The following CAPN13 variants were observed in gnomAD, a reference collection of about 807,000 sequenced individuals.
The protein encoded by CAPN13 is calpain-13.
Under a neutral mutation model 98.4 loss-of-function variants are expected in CAPN13, and 90 were observed. The ratio of observed to expected loss-of-function variants is 0.92; its 90% CI spans 0.77 to 1.09. CAPN13 has a LOEUF of 1.09. Among genes scored for constraint, CAPN13 ranks in the 50% least tolerant of loss-of-function variants. CAPN13 has a pLI of 0.00. For synonymous variants in CAPN13, 330 were observed against 305.5 expected (o/e 1.08, Z -0.84); for missense variants, 887 against 841.3 (o/e 1.05, Z -0.67).
At chr2:30,776,773 G>A (rs778203066) in intron 3 of CAPN13, among the ~76,000 whole-genome samples, 1 of 151,966 alleles carries the variant, frequency 6.6e-6, no homozygotes, top group Non-Finnish European at 1.5e-5. Flanking sequence ...TGATCAATTT[G>A]TCTTTGAATG....
At chr2:30,741,879 G>A (rs1484574427) in intron 15 of CAPN13, 29 bp downstream of exon 15, 7 of 1,613,632 alleles carry the variant, frequency 4.3e-6, no homozygotes, top group Middle Eastern at 1.6e-4. Context: ...CCAATCCCAC[G>A]TAAGGCCCCT....
chr2:30,730,976 C>G (rs577001444), intron 21 of CAPN13, among the ~76,000 whole-genome samples, 190 bp from the exon 22 acceptor site: 122 of 152,262 alleles, frequency 8.0e-4, no homozygotes, highest in African/African-American at 2.7e-3. Flanking sequence ...CCCTGAATAA[C>G]CAGGCAGTGA....
intron 1 of CAPN13, among the ~76,000 whole-genome samples, chr2:30,799,109 C>CAG (rs948270475): frequency 4.7e-5 from 7 of 149,010 alleles, no homozygotes; most frequent in Non-Finnish European, 8.9e-5. Flanking sequence ...GAGAATGAAG[C>CAG]AGAGAGAGAG....
intron 1 of CAPN13, among the ~76,000 whole-genome samples, chr2:30,802,603 C>G (rs1675356467): frequency 6.6e-6 from 1 of 151,688 alleles, no homozygotes; most frequent in Non-Finnish European, 1.5e-5. Context: ...TCATTCTTTC[C>G]CTCTCCAGCC....
intron 22 of CAPN13, among the ~76,000 whole-genome samples, chr2:30,727,155 C>T (rs911106743): frequency 1.3e-5 from 2 of 152,078 alleles, no homozygotes; most frequent in African/African-American, 2.4e-5. Flanking sequence ...GAAATTAGAA[C>T]GTTACTTCAC....
intron 1 of CAPN13, among the ~76,000 whole-genome samples, chr2:30,804,302 G>T (rs1272867860): frequency 1.3e-5 from 2 of 152,194 alleles, no homozygotes; most frequent in Non-Finnish European, 2.9e-5. Context: ...CCTGCTTCAT[G>T]CAATTCCCCT....
chr2:30,756,004 G>A (rs1416498519), intron 8 of CAPN13, among the ~76,000 whole-genome samples: 2 of 152,044 alleles, frequency 1.3e-5, no homozygotes, highest in Non-Finnish European at 2.9e-5. Context: ...CAGTGATTAT[G>A]CAGTCCCCGT....
intron 5 of CAPN13, among the ~76,000 whole-genome samples, chr2:30,765,579 C>T (rs931912146): frequency 2.6e-5 from 4 of 152,226 alleles, no homozygotes. Context: ...CCTCCCTGCC[C>T]TTGGCCTTTC....
At chr2:30,748,907 C>T (rs908570533) in intron 11 of CAPN13, among the ~76,000 whole-genome samples, 1 of 152,146 alleles carries the variant, frequency 6.6e-6, no homozygotes, top group Non-Finnish European at 1.5e-5. Flanking sequence ...AACACGAAAG[C>T]TCTCCTTCTG....
rs1672327195 is a variant in CAPN13 at position 30,754,302 on chromosome 2, T to C, written c.929A>G (p.Asp310Gly). ...RKSQLHKKRE[D>G]GEFWMSCQDF... Reference sequence around the variant, plus strand: ...GAAGGGTAAATACCAAAACTCGCCATCTTCCCGTTTCTTATGTAGCTGGCT... The same window carrying C: ...GAAGGGTAAATACCAAAACTCGCCACCTTCCCGTTTCTTATGTAGCTGGCT... The change falls in exon 9 of 23, where the codon GAT (aspartate) becomes GGT (glycine). Residue 310 changes from aspartate to glycine, a missense_variant. Transcript: ENST00000295055. 6.2e-7 allele frequency: 1 copy of C among 1,605,846 alleles called. No individual in the cohort carries two copies. The highest frequency in any genetic ancestry group is 8.5e-7 in the Non-Finnish European group (1 of 1,176,598).
At chr2:30,804,886 C>A (rs1675515607) in intron 1 of CAPN13, among the ~76,000 whole-genome samples, 1 of 152,196 alleles carries the variant, frequency 6.6e-6, no homozygotes, top group Non-Finnish European at 1.5e-5. Flanking sequence ...AAAGAGGTGA[C>A]ATCTAGGCAG....
chr2:30,754,229 AG>A, intron 9 of CAPN13, 60 bp downstream of exon 9: 1 of 1,297,548 alleles, frequency 7.7e-7, no homozygotes, highest in Non-Finnish European at 1.1e-6. Context: ...GGAAAAGGGT[AG>A]GGATTGAAGA....
chr2:30,747,535 C>A (rs1671973239), intron 11 of CAPN13, among the ~76,000 whole-genome samples: 1 of 152,174 alleles, frequency 6.6e-6, no homozygotes. Context: ...GGCTCATCCA[C>A]CCTCATCCTT....
At chr2:30,756,604 C>G (rs1452722760) in intron 8 of CAPN13, among the ~76,000 whole-genome samples, 2 of 152,356 alleles carry the variant, frequency 1.3e-5, no homozygotes, top group East Asian at 3.9e-4. Flanking sequence ...TCCCAAGAGG[C>G]AGCCTCAAAT....
In CAPN13 at chr2:30,754,380, C is replaced by A. The variant is rs1672331491; in HGVS notation, c.867-16G>T. The A allele has an allele frequency of 1.9e-6, 3 of 1,590,460 alleles. No homozygotes were observed. The highest frequency in any genetic ancestry group is 1.4e-5 in the African/African-American group (1 of 73,912). ...CTCCTGAGACCTGAGCATGGACACA[C>A]AAACCACAGGGTGAGATTTTCCAGT... is the stretch of plus-strand genomic sequence containing the variant. On this transcript the variant is annotated splice_polypyrimidine_tract_variant and intron_variant, in intron 8 of 22. Coordinates refer to ENST00000295055, the MANE Select transcript of CAPN13 (RefSeq NM_144575.3).
At chr2:30,724,980 TG>T (rs1670806747) in intron 22 of CAPN13, among the ~76,000 whole-genome samples, 1 of 152,164 alleles carries the variant, frequency 6.6e-6, no homozygotes, top group South Asian at 2.1e-4. Flanking sequence ...TAGGAGAAGG[TG>T]GCCCTTTCCT....
intron 1 of CAPN13, 22 bp from the exon 2 acceptor site, chr2:30,787,379 A>G (rs1674347704): frequency 6.6e-7 from 1 of 1,521,766 alleles, no homozygotes; most frequent in Non-Finnish European, 8.8e-7. Context: ...AAAAAGGGAT[A>G]CCTTTGGGGT....
intron 20 of CAPN13, 69 bp from the exon 21 acceptor site, chr2:30,731,468 G>A: frequency 2.9e-6 from 4 of 1,388,712 alleles, no homozygotes; most frequent in Non-Finnish European, 4.0e-6. Flanking sequence ...GGGGAGGCAG[G>A]CCTGGGCCCA....
chr2:30,796,746 A>C (rs1255792722), intron 1 of CAPN13, among the ~76,000 whole-genome samples: 1 of 152,218 alleles, frequency 6.6e-6, no homozygotes, highest in Non-Finnish European at 1.5e-5. Context: ...GCTAAATTTC[A>C]TTTTGAAAAT....
Sources: gnomAD v4.1 joint callset for allele counts (sites outside exome capture counted in the v4.1 genomes callset) on GRCh38, gnomAD v4.1.1 for gene constraint, MANE v1.5 for transcripts, NCBI Gene and HGNC (gene_info 2026-07-23, HGNC 2026-07-21) for gene names.